Variants in SKAP2 observed in about 807,000 individuals in gnomAD.
SKAP2 encodes the protein src kinase associated phosphoprotein 2, also known as src kinase-associated phosphoprotein 2.
In SKAP2, 28 loss-of-function variants were observed where a neutral mutation model predicts 54.9. That is an observed-to-expected ratio of 0.51 (90% confidence interval 0.38 to 0.70). The LOEUF is 0.70. Among genes scored for constraint, SKAP2 ranks in the 30% least tolerant of loss-of-function variants. The pLI, the probability that SKAP2 is intolerant of heterozygous loss-of-function variation, is 0.00. For synonymous variants in SKAP2, 137 were observed against 134.3 expected, an observed-to-expected ratio of 1.02 and a Z score of -0.14; for missense variants, 356 against 424.1, an observed-to-expected ratio of 0.84 and a Z score of 1.41.
intron 4 of SKAP2, among the ~76,000 whole-genome samples, chr7:26,843,675 TTTA>T (rs1320661026): frequency 1.4e-4 from 21 of 151,958 alleles, no homozygotes; most frequent in African/African-American, 5.1e-4. Flanking sequence ...AAAAATCTTT[TTTA>T]TTATTTATAA....
At chr7:26,771,774 A>T in intron 4 of SKAP2, among the ~76,000 whole-genome samples, 1 of 152,216 alleles carries the variant, frequency 6.6e-6, no homozygotes, top group East Asian at 1.9e-4. Context: ...ATATTTTTAT[A>T]GAAAATAAAA....
intron 4 of SKAP2, among the ~76,000 whole-genome samples, chr7:26,760,539 T>C (rs1407591792): frequency 1.3e-5 from 2 of 152,120 alleles, no homozygotes; most frequent in Non-Finnish European, 2.9e-5. Flanking sequence ...GATTTATAAT[T>C]TAGGCACTGC....
intron 4 of SKAP2, among the ~76,000 whole-genome samples, chr7:26,757,946 A>G (rs1376909260): frequency 3.9e-5 from 6 of 152,202 alleles, no homozygotes. Flanking sequence ...TATTTTTAAT[A>G]GAGACAGGGT....
intron 11 of SKAP2, among the ~76,000 whole-genome samples, chr7:26,678,603 G>C (rs1562572510): frequency 6.6e-6 from 1 of 151,904 alleles, no homozygotes; most frequent in Admixed American, 6.6e-5. Flanking sequence ...ACCACGCCCA[G>C]GTAATTTTTC....
chr7:26,686,876 TG>T (rs1786656139), intron 10 of SKAP2, among the ~76,000 whole-genome samples: 1 of 152,150 alleles, frequency 6.6e-6, no homozygotes, highest in South Asian at 2.1e-4. Context: ...TCTAAATGGC[TG>T]GTTTCTTTAG....
Position 26,844,069 on chromosome 7 carries a change from A to T in SKAP2, c.268T>A (p.Ser90Thr). ...TCATCGTCTTTATCATATCGTTCTG[A>T]GGCTAATGAAATAGTGTCTGGAGGC... ...AGPPDTISLA[S>T]ERYDKDDEAP... Residue 90 changes from serine (S) to threonine (T), a missense_variant, in exon 4 of 13, where the codon TCA becomes ACA. Ser to Thr is a moderately conservative substitution (Grantham distance 58). Coordinates refer to ENST00000345317, the MANE Select transcript of SKAP2 (RefSeq NM_003930.5). 6.2e-7 allele frequency: 1 copy of T among 1,612,468 alleles called. No homozygotes were observed. The highest frequency in any genetic ancestry group is 8.5e-7 in the Non-Finnish European group (1 of 1,178,838).
chr7:26,687,312 A>G (rs987981773), intron 10 of SKAP2, among the ~76,000 whole-genome samples: 5 of 151,606 alleles, frequency 3.3e-5, no homozygotes, highest in Non-Finnish European at 7.4e-5. Flanking sequence ...GAGGCAACAG[A>G]GCTAGTGATT....
At chr7:26,724,909 C>T (rs1189254486) in intron 9 of SKAP2, among the ~76,000 whole-genome samples, 2 of 151,988 alleles carry the variant, frequency 1.3e-5, no homozygotes, top group Non-Finnish European at 2.9e-5. Context: ...AAAATATCAA[C>T]AGGAAGACTT....
At chr7:26,808,562 T>G (rs564872486) in intron 4 of SKAP2, among the ~76,000 whole-genome samples, 18 of 152,264 alleles carry the variant, frequency 1.2e-4, no homozygotes, top group African/African-American at 4.3e-4. Flanking sequence ...TTACTCAACA[T>G]TGTGAATATA....
chr7:26,830,801 C>G (rs1784580045), intron 4 of SKAP2, among the ~76,000 whole-genome samples: 1 of 152,102 alleles, frequency 6.6e-6, no homozygotes, highest in African/African-American at 2.4e-5. Context: ...CATGTGAAAG[C>G]TGGAGAATGG....
chr7:26,762,101 A>G (rs77969129), intron 4 of SKAP2, among the ~76,000 whole-genome samples: 13 of 152,244 alleles, frequency 8.5e-5, no homozygotes, highest in Admixed American at 3.9e-4. Flanking sequence ...CATTTAAATT[A>G]TGATATTGCA....
intron 6 of SKAP2, among the ~76,000 whole-genome samples, chr7:26,732,750 T>C (rs1053846584): frequency 2.6e-5 from 4 of 152,242 alleles, no homozygotes; most frequent in African/African-American, 7.2e-5. Flanking sequence ...CTTTGGTTTA[T>C]ACAGCTTGCA....
At chr7:26,739,809 C>T (rs1379302674) in intron 5 of SKAP2, 78 bp downstream of exon 5, 3 of 983,830 alleles carry the variant, frequency 3.0e-6, no homozygotes, top group African/African-American at 3.3e-5. Context: ...CGAATACTGC[C>T]TCCACATGTA....
At chr7:26,688,158 C>T (rs1337107764) in intron 10 of SKAP2, among the ~76,000 whole-genome samples, 1 of 151,940 alleles carries the variant, frequency 6.6e-6, no homozygotes, top group African/African-American at 2.4e-5. Flanking sequence ...ATGATGACCA[C>T]GGGTGAAACA....
At chr7:26,803,654 G>T (rs1783961548) in intron 4 of SKAP2, among the ~76,000 whole-genome samples, 1 of 152,218 alleles carries the variant, frequency 6.6e-6, no homozygotes, top group Admixed American at 6.5e-5. Context: ...GTATACTGAA[G>T]AGATATCTGC....
At chr7:26,719,936 T>C (rs1787541037) in intron 9 of SKAP2, among the ~76,000 whole-genome samples, 1 of 152,006 alleles carries the variant, frequency 6.6e-6, no homozygotes, top group Non-Finnish European at 1.5e-5. Context: ...TGGCCAGGGT[T>C]TTTCAACCTC....
At chr7:26,727,621 A>C (rs536547846) in intron 6 of SKAP2, among the ~76,000 whole-genome samples, 1 of 152,262 alleles carries the variant, frequency 6.6e-6, no homozygotes, top group Non-Finnish European at 1.5e-5. Flanking sequence ...AGTTACCAAA[A>C]ATAGAGGGAA....
At chr7:26,808,622 CATA>C (rs1784076219) in intron 4 of SKAP2, among the ~76,000 whole-genome samples, 1 of 150,484 alleles carries the variant, frequency 6.6e-6, no homozygotes, top group South Asian at 2.1e-4. Flanking sequence ...TTGTAAATTT[CATA>C]ATATGTGTCT....
intron 9 of SKAP2, among the ~76,000 whole-genome samples, chr7:26,720,188 A>G (rs1787550104): frequency 6.6e-6 from 1 of 152,124 alleles, no homozygotes; most frequent in African/African-American, 2.4e-5. Flanking sequence ...ATGTAGCTCC[A>G]ATTTGCAAAA....
Sources: gnomAD v4.1 joint callset for allele counts (sites outside exome capture counted in the v4.1 genomes callset) on GRCh38, gnomAD v4.1.1 for gene constraint, MANE v1.5 for transcripts, NCBI Gene and HGNC (gene_info 2026-07-23, HGNC 2026-07-21) for gene names.